Variants in ZNF704 observed in about 807,000 individuals in gnomAD.
ZNF704 encodes zinc finger protein 704.
In ZNF704, 10 loss-of-function variants were observed where a neutral mutation model predicts 44.7. That is an observed-to-expected ratio of 0.22 (90% CI 0.14 to 0.38). The LOEUF (loss-of-function observed/expected upper bound fraction) is 0.38. Among genes scored for constraint, ZNF704 ranks in the 10% least tolerant of loss-of-function variants. ZNF704 has a pLI of 1.00. For synonymous variants in ZNF704, 211 were observed against 207.6 expected, an observed-to-expected ratio of 1.02 and a Z score of -0.14; for missense variants, 390 against 545.5, an observed-to-expected ratio of 0.71 and a Z score of 2.84.
intron 2 of ZNF704, among the ~76,000 whole-genome samples, chr8:80,788,315 A>G (rs953451448): frequency 6.6e-6 from 1 of 152,232 alleles, no homozygotes; most frequent in Non-Finnish European, 1.5e-5. Flanking sequence ...AACAAATCAT[A>G]AAGAAAAATT....
chr8:80,687,831 T>C (rs1320237648), intron 3 of ZNF704, among the ~76,000 whole-genome samples: 1 of 152,186 alleles, frequency 6.6e-6, no homozygotes, highest in South Asian at 2.1e-4. Context: ...GAAAGAAATA[T>C]CATTTGCAGT....
intron 1 of ZNF704, among the ~76,000 whole-genome samples, chr8:80,859,712 C>T (rs1216504472): frequency 2.0e-5 from 3 of 152,060 alleles, no homozygotes; most frequent in Admixed American, 6.6e-5. Flanking sequence ...AAGTCAGCAG[C>T]GACTCCAGGT....
At chr8:80,865,153 C>G (rs1026126385) in intron 1 of ZNF704, among the ~76,000 whole-genome samples, 1 of 152,114 alleles carries the variant, frequency 6.6e-6, no homozygotes, top group Non-Finnish European at 1.5e-5. Context: ...ATTTTTGATC[C>G]TTGAGCACAG....
chr8:80,752,543 T>C (rs1391030423), intron 2 of ZNF704, among the ~76,000 whole-genome samples: 2 of 139,712 alleles, frequency 1.4e-5, no homozygotes, highest in African/African-American at 5.1e-5. Flanking sequence ...TAAAAAAACT[T>C]AAAAAAAAAA....
rs1585915028 is a variant in ZNF704, at chr8:80,641,237, G to C, written c.*129C>G. On this transcript the variant is annotated 3_prime_UTR_variant, in exon 9 of 9. Transcript: ENST00000327835. ...TGTGTTTTTGCTGTTATTCCTCCAA[G>C]GTTCCTGAAAGGGCTTTTCCTGGCT... 3 of 515,994 alleles carry C rather than the reference G, an allele frequency of 5.8e-6. No individual in the cohort carries two copies. The highest frequency in any genetic ancestry group is 4.3e-5 in the South Asian group (1 of 23,168). 32.0% of individuals were successfully genotyped at this position (515,994 alleles called of 1,614,324 possible). A position where few individuals can be genotyped will look rare whatever the true frequency, so the allele number is the denominator to read the frequency against.
intron 2 of ZNF704, among the ~76,000 whole-genome samples, chr8:80,723,871 G>A (rs1432644650): frequency 2.6e-5 from 4 of 152,164 alleles, no homozygotes; most frequent in African/African-American, 4.8e-5. Context: ...CCAGGGAGCC[G>A]ACTGATAGAT....
intron 4 of ZNF704, among the ~76,000 whole-genome samples, chr8:80,680,007 G>A (rs1398510633): frequency 6.6e-6 from 1 of 152,132 alleles, no homozygotes; most frequent in Admixed American, 6.5e-5. Flanking sequence ...TGGCCAAGGT[G>A]TCCCTGATTT....
intron 2 of ZNF704, among the ~76,000 whole-genome samples, chr8:80,753,787 C>G (rs982710271): frequency 6.6e-6 from 1 of 152,082 alleles, no homozygotes; most frequent in African/African-American, 2.4e-5. Flanking sequence ...TGCAGTAACC[C>G]CTGAGAAAAG....
chr8:80,861,803 C>A (rs774754908), intron 1 of ZNF704, among the ~76,000 whole-genome samples: 34 of 151,694 alleles, frequency 2.2e-4, no homozygotes, highest in Non-Finnish European at 4.0e-4. Flanking sequence ...GCCTACCTGA[C>A]GTCTCCATTT....
intron 2 of ZNF704, among the ~76,000 whole-genome samples, chr8:80,743,191 C>CAAAAAAAAAA (rs59886049): frequency 5.6e-5 from 2 of 35,824 alleles, no homozygotes; most frequent in African/African-American, 1.0e-4. Context: ...CTTGCAACTG[C>CAAAAAAAAAA]AAAAAAAAAA....
At chr8:80,694,660 C>A (rs567775335) in intron 2 of ZNF704, among the ~76,000 whole-genome samples, 2 of 152,130 alleles carry the variant, frequency 1.3e-5, no homozygotes, top group African/African-American at 2.4e-5. Context: ...GAGAAAAAAA[C>A]AAATGGTTCC....
intron 2 of ZNF704, among the ~76,000 whole-genome samples, chr8:80,739,529 C>T (rs1420422070): frequency 6.6e-6 from 1 of 152,204 alleles, no homozygotes; most frequent in Admixed American, 6.5e-5. Context: ...GACTCTAGTT[C>T]ACCTGACCAA....
chr8:80,728,028 T>C (rs1386638025), intron 2 of ZNF704, among the ~76,000 whole-genome samples: 1 of 152,196 alleles, frequency 6.6e-6, no homozygotes, highest in Non-Finnish European at 1.5e-5. Flanking sequence ...TGTGTGATTC[T>C]TCAAAATTTT....
chr8:80,865,314 C>T (rs1295784771), intron 1 of ZNF704, among the ~76,000 whole-genome samples: 1 of 152,110 alleles, frequency 6.6e-6, no homozygotes, highest in Non-Finnish European at 1.5e-5. Context: ...AGCGTAGAGA[C>T]AGTAAGTAAC....
chr8:80,729,209 G>C (rs1465796583), intron 2 of ZNF704, among the ~76,000 whole-genome samples: 1 of 152,098 alleles, frequency 6.6e-6, no homozygotes, highest in African/African-American at 2.4e-5. Flanking sequence ...AGATGGAGGA[G>C]GTGAGATGTA....
At chr8:80,869,555 C>T (rs1403319853) in intron 1 of ZNF704, among the ~76,000 whole-genome samples, 1 of 152,212 alleles carries the variant, frequency 6.6e-6, no homozygotes, top group Non-Finnish European at 1.5e-5. Flanking sequence ...CAAAGGCCAG[C>T]CCTTTACTTG....
chr8:80,709,548 T>A (rs1405372632), intron 2 of ZNF704, among the ~76,000 whole-genome samples: 1 of 147,524 alleles, frequency 6.8e-6, no homozygotes, highest in African/African-American at 2.5e-5. Context: ...AGGGACTTAC[T>A]GGGGAAGGTG....
intron 2 of ZNF704, among the ~76,000 whole-genome samples, chr8:80,782,133 T>C (rs867184390): frequency 5.9e-5 from 9 of 152,158 alleles, no homozygotes; most frequent in Non-Finnish European, 2.9e-5. Context: ...ACCTCTTGCT[T>C]TGAGTTAGCG....
intron 2 of ZNF704, among the ~76,000 whole-genome samples, chr8:80,736,279 T>TA (rs1806663598): frequency 6.6e-6 from 1 of 152,236 alleles, no homozygotes; most frequent in African/African-American, 2.4e-5. Flanking sequence ...ATTTAAACGT[T>TA]ACTTTTTTGT....
Sources: gnomAD v4.1 joint callset for allele counts (sites outside exome capture counted in the v4.1 genomes callset) on GRCh38, gnomAD v4.1.1 for gene constraint, MANE v1.5 for transcripts, NCBI Gene and HGNC (gene_info 2026-07-23, HGNC 2026-07-21) for gene names.